The following WDFY2 variants were observed in gnomAD, a reference collection of about 807,000 sequenced individuals.
The protein encoded by WDFY2 is WD repeat and FYVE domain containing 2.
In WDFY2, 36 loss-of-function variants were observed where a neutral mutation model predicts 56.4. The ratio of observed to expected loss-of-function variants is 0.64; its 90% CI spans 0.49 to 0.84. The LOEUF (loss-of-function observed/expected upper bound fraction) is 0.84. Ranked by LOEUF, WDFY2 falls within the 40% of genes least tolerant of loss-of-function variation. The pLI is 0.00. For missense variants in WDFY2, 444 were observed against 512.2 expected, an observed-to-expected ratio of 0.87 and a Z score of 1.29; for synonymous variants, 176 against 183.7, an observed-to-expected ratio of 0.96 and a Z score of 0.34.
chr13:51,700,503 T>C (rs908242878), intron 3 of WDFY2, among the ~76,000 whole-genome samples: 32 of 152,220 alleles, frequency 2.1e-4, no homozygotes, highest in Admixed American at 1.2e-3. Flanking sequence ...AAACTCAATT[T>C]GGCCATGTCT....
intron 1 of WDFY2, among the ~76,000 whole-genome samples, chr13:51,629,353 A>T (rs1954904540): frequency 1.3e-5 from 2 of 152,208 alleles, no homozygotes; most frequent in South Asian, 4.1e-4. Context: ...TGATATAACC[A>T]TGTGTTTGTT....
intron 1 of WDFY2, among the ~76,000 whole-genome samples, chr13:51,598,905 CTTTTTTT>C (rs569169884): frequency 2.6e-5 from 3 of 115,780 alleles, no homozygotes; most frequent in Non-Finnish European, 5.4e-5. Flanking sequence ...GTGCCATTTA[CTTTTTTT>C]TTTTTTTTTT....
In WDFY2 at chr13:51,763,811, A is replaced by ATAAT. The variant is rs1366529976; in HGVS notation, c.*4044_*4047dup. On this transcript the variant is annotated 3_prime_UTR_variant, in exon 12 of 12. Transcript: ENST00000298125. ...AGGCCCTGAATAAATAAACAAAAGT[A>ATAAT]TAATTTATTTTTGCCTGATATTAAT... is the stretch of plus-strand genomic sequence containing the variant. 1 of 152,196 alleles carries ATAAT rather than the reference A, an allele frequency of 6.6e-6. No homozygotes were observed. The highest frequency in any genetic ancestry group is 1.5e-5 in the Non-Finnish European group (1 of 68,018). 9.4% of individuals were successfully genotyped at this position (152,196 alleles called of 1,614,324 possible). A position where few individuals can be genotyped will look rare whatever the true frequency, so the allele number is the denominator to read the frequency against.
chr13:51,631,729 A>G (rs1005648239), intron 1 of WDFY2, among the ~76,000 whole-genome samples: 3 of 152,144 alleles, frequency 2.0e-5, no homozygotes, highest in African/African-American at 4.8e-5. Context: ...GGATCTTGCC[A>G]TGTTGCCCAG....
At chr13:51,758,515 C>T (rs1397046479) in intron 11 of WDFY2, among the ~76,000 whole-genome samples, 1 of 148,812 alleles carries the variant, frequency 6.7e-6, no homozygotes, top group African/African-American at 2.5e-5. Context: ...CACATCACTG[C>T]ACTCTAGCCT....
intron 1 of WDFY2, chr13:51,587,793 A>G (rs1953972545): frequency 6.6e-6 from 1 of 152,222 alleles, no homozygotes; most frequent in Non-Finnish European, 1.5e-5. Context: ...GAAGAATGGC[A>G]GGATTCCACA....
intron 1 of WDFY2, among the ~76,000 whole-genome samples, chr13:51,635,920 T>C (rs1440172581): frequency 6.6e-6 from 1 of 152,226 alleles, no homozygotes; most frequent in Non-Finnish European, 1.5e-5. Flanking sequence ...CCATTTCTCT[T>C]CTGGTGTCCC....
chr13:51,662,129 C>A (rs1955626418), intron 2 of WDFY2, among the ~76,000 whole-genome samples: 2 of 152,062 alleles, frequency 1.3e-5, no homozygotes, highest in Non-Finnish European at 2.9e-5. Context: ...TGCCACCACA[C>A]CCAGCTAATT....
chr13:51,614,000 C>T (rs926883523), intron 1 of WDFY2, among the ~76,000 whole-genome samples: 6 of 152,016 alleles, frequency 3.9e-5, no homozygotes, highest in Admixed American at 3.9e-4. Flanking sequence ...GCCTGGCTAA[C>T]ATAGTGAAAC....
intron 4 of WDFY2, among the ~76,000 whole-genome samples, chr13:51,718,559 T>TACACACACACACACACAC (rs71192015): frequency 4.3e-5 from 6 of 138,684 alleles, no homozygotes; most frequent in African/African-American, 1.6e-4. Flanking sequence ...TTATCATTCA[T>TACACACACACACACACAC]ACACACACAC....
At chr13:51,635,309 C>G (rs945607627) in intron 1 of WDFY2, among the ~76,000 whole-genome samples, 2 of 152,114 alleles carry the variant, frequency 1.3e-5, no homozygotes, top group Non-Finnish European at 2.9e-5. Context: ...CATCATTTTT[C>G]ATGCCAGGCT....
At chr13:51,650,617 G>A (rs1260576351) in intron 1 of WDFY2, among the ~76,000 whole-genome samples, 1 of 152,152 alleles carries the variant, frequency 6.6e-6, no homozygotes, top group African/African-American at 2.4e-5. Flanking sequence ...AGAGTTTTTA[G>A]CATGAAGTGC....
intron 3 of WDFY2, among the ~76,000 whole-genome samples, chr13:51,695,123 T>G (rs1357061452): frequency 2.0e-5 from 3 of 152,238 alleles, no homozygotes; most frequent in African/African-American, 7.2e-5. Flanking sequence ...TGCCTTTGGC[T>G]TGAATTTCCT....
chr13:51,745,543 A>G (rs778123322), intron 7 of WDFY2, among the ~76,000 whole-genome samples: 71 of 152,206 alleles, frequency 4.7e-4, no homozygotes, highest in Admixed American at 2.1e-3. Context: ...TAAATAGATC[A>G]GTAAAAATAC....
chr13:51,753,930 C>CA (rs537276266), intron 8 of WDFY2, among the ~76,000 whole-genome samples: 6,611 of 135,184 alleles, frequency 0.049, 197 homozygotes, highest in Admixed American at 0.085. Context: ...ACTAACAATA[C>CA]AAAAAAAAAA....
intron 8 of WDFY2, among the ~76,000 whole-genome samples, chr13:51,754,551 A>T (rs528964256): frequency 6.6e-6 from 1 of 152,288 alleles, no homozygotes; most frequent in East Asian, 1.9e-4. Flanking sequence ...GTAAAATAGT[A>T]TCTCATTTTT....
chr13:51,750,299 T>G (rs184208708), intron 7 of WDFY2, among the ~76,000 whole-genome samples: 13 of 152,268 alleles, frequency 8.5e-5, no homozygotes, highest in African/African-American at 2.9e-4. Flanking sequence ...CGTAATCCAA[T>G]TTATTGACAC....
intron 5 of WDFY2, among the ~76,000 whole-genome samples, chr13:51,725,578 C>T (rs1952585386): frequency 6.6e-6 from 1 of 151,992 alleles, no homozygotes; most frequent in East Asian, 1.9e-4. Context: ...GTGATTATGT[C>T]ACCAATTTGA....
chr13:51,666,356 A>T (rs909381333), intron 2 of WDFY2, among the ~76,000 whole-genome samples: 1 of 152,162 alleles, frequency 6.6e-6, no homozygotes, highest in Admixed American at 6.6e-5. Context: ...TTTATGAAGG[A>T]GCAAAAAGGT....
Sources: gnomAD v4.1 joint callset for allele counts (sites outside exome capture counted in the v4.1 genomes callset) on GRCh38, gnomAD v4.1.1 for gene constraint, MANE v1.5 for transcripts, NCBI Gene and HGNC (gene_info 2026-07-23, HGNC 2026-07-21) for gene names.